DHRS4: variants seen among roughly 807,000 people sequenced by gnomAD.
The protein encoded by DHRS4 is dehydrogenase/reductase 4, also known as dehydrogenase/reductase SDR family member 4.
Under a neutral mutation model 28.4 loss-of-function variants are expected in DHRS4, and 20 were observed. The observed-to-expected ratio is 0.71, with a 90% CI of 0.50 to 1.02. DHRS4 has a LOEUF of 1.02. Among genes scored for constraint, DHRS4 ranks in the 50% least tolerant of loss-of-function variants. The pLI, the probability that DHRS4 is intolerant of heterozygous loss-of-function variation, is 0.00. For synonymous variants in DHRS4, 144 were observed against 146.4 expected (o/e 0.98, Z 0.12); for missense variants, 378 against 367.2 (o/e 1.03, Z -0.24).
Position 23,967,110 on chromosome 14 carries a change from C to T in DHRS4, c.667-101C>T, listed in dbSNP as rs1186133061. 2.8e-5 allele frequency: 41 copies of T among 1,459,484 alleles called. No individual in the cohort carries two copies. In the East Asian group the frequency reaches 3.0e-4, roughly 11 times the overall value. 90.4% of individuals were successfully genotyped at this position (1,459,484 alleles called of 1,614,324 possible). ...CGGAGTTTGCAGTGAGCCAAGATAGCGCCACTACAGTCCGGCCTGGGCAAA... is the reference window on the plus strand; with the variant it reads ...CGGAGTTTGCAGTGAGCCAAGATAGTGCCACTACAGTCCGGCCTGGGCAAA... On this transcript the variant is annotated intron_variant, in intron 6 of 7. Coordinates refer to ENST00000313250, the MANE Select transcript of DHRS4 (RefSeq NM_021004.4).
chr14:23,954,203 G>C, intron 1 of DHRS4: 1 of 333,862 alleles, frequency 3.0e-6, no homozygotes, highest in Non-Finnish European at 5.5e-6. Flanking sequence ...CAGTCAACCA[G>C]CGCCACCTAG....
At chr14:23,953,969 T>G in intron 1 of DHRS4, 53 bp downstream of exon 1, 1 of 1,548,696 alleles carries the variant, frequency 6.5e-7, no homozygotes, top group South Asian at 1.2e-5. Context: ...AAACAGGCAC[T>G]GGCCTCTCAT....
intron 5 of DHRS4, 106 bp downstream of exon 5, chr14:23,966,089 C>G: frequency 6.2e-7 from 1 of 1,601,486 alleles, no homozygotes; most frequent in Non-Finnish European, 8.5e-7. Context: ...ATCACACCAC[C>G]AAGTCCCTGC....
In DHRS4 at chr14:23,962,802, C is replaced by A. The variant is rs960174059; in HGVS notation, c.408+2799C>A. ...GGTTTTCAGTTAACTTTGCCGAGAT[C>A]CATCAGAGGAATCACTATCCATGGC... On this transcript the variant is annotated intron_variant, in intron 3 of 7. Coordinates refer to ENST00000313250, the MANE Select transcript of DHRS4 (RefSeq NM_021004.4). Among the ~76,000 whole-genome samples, 56 of 150,406 alleles carry A rather than the reference C, an allele frequency of 3.7e-4. 2 individuals are homozygous for A. The highest frequency in any genetic ancestry group is 1.4e-3 in the African/African-American group (54 of 39,730).
chr14:23,965,285 C>T (rs1302637376), intron 3 of DHRS4, among the ~76,000 whole-genome samples: 1 of 137,030 alleles, frequency 7.3e-6, no homozygotes, highest in Non-Finnish European at 1.5e-5. Flanking sequence ...CCTAGAGGGC[C>T]AAGAACATCT....
At chr14:23,960,633 A>C (rs2138451035) in intron 3 of DHRS4, among the ~76,000 whole-genome samples, 1 of 130,068 alleles carries the variant, frequency 7.7e-6, no homozygotes, top group Middle Eastern at 3.7e-3. Context: ...TATATTTCAC[A>C]CACACTCTTT....
At chr14:23,954,425 G>C (rs570697431) in intron 1 of DHRS4, among the ~76,000 whole-genome samples, 5 of 152,224 alleles carry the variant, frequency 3.3e-5, no homozygotes, top group East Asian at 1.9e-4. Flanking sequence ...TGCCCAGCCT[G>C]TTTCTCACCC....
intron 3 of DHRS4, 31 bp from the exon 4 acceptor site, chr14:23,965,731 A>C (rs761790501): frequency 1.9e-6 from 3 of 1,564,204 alleles, no homozygotes; most frequent in South Asian, 2.3e-5. Context: ...CTCTTCACTC[A>C]TGCTGTTTCC....
At chr14:23,968,715 T>G in intron 7 of DHRS4, 42 bp from the exon 8 acceptor site, 2 of 1,602,932 alleles carry the variant, frequency 1.2e-6, no homozygotes, top group Non-Finnish European at 1.7e-6. Flanking sequence ...GAGGCAGAAC[T>G]GTTTGATTTT....
chr14:23,958,880 C>G (rs2033283554), intron 2 of DHRS4, among the ~76,000 whole-genome samples: 2 of 152,184 alleles, frequency 1.3e-5, no homozygotes, highest in East Asian at 3.9e-4. Flanking sequence ...TCTTACCTAG[C>G]CCCAGTGTGC....
chr14:23,956,449 TC>T (rs2033158669), intron 2 of DHRS4, among the ~76,000 whole-genome samples: 1 of 152,112 alleles, frequency 6.6e-6, no homozygotes, highest in Non-Finnish European at 1.5e-5. Flanking sequence ...GTGATGAGGT[TC>T]CAGATAACTC....
intron 3 of DHRS4, among the ~76,000 whole-genome samples, chr14:23,960,673 CTTTG>C (rs1177421621): frequency 7.2e-5 from 11 of 151,800 alleles, no homozygotes; most frequent in Admixed American, 5.2e-4. Flanking sequence ...AAATATTTGT[CTTTG>C]TTTATTAAGG....
Position 23,953,810 on chromosome 14 carries a change from G to C in DHRS4, c.22G>C (p.Gly8Arg). Reference protein sequence around the residue: MHKAGLLGLCARAWNSVR... With the variant: MHKAGLLRLCARAWNSVR... ...ATCCATGCACAAGGCGGGGCTGCTA[G>C]GCCTCTGTGCCCGGGCTTGGAATTC... The change falls in exon 1 of 8, where the codon GGC (glycine) becomes CGC (arginine). Residue 8 changes from glycine (G) to arginine (R), a missense_variant. By Grantham distance (125) the Gly-to-Arg change is moderately radical. Transcript: ENST00000313250. 6.2e-7 allele frequency: 1 copy of C among 1,614,168 alleles called. No individual in the cohort carries two copies. The highest frequency in any genetic ancestry group is 2.2e-5 in the East Asian group (1 of 44,878).
chr14:23,966,198 A>G (rs2033611051), intron 5 of DHRS4, 85 bp from the exon 6 acceptor site: 5 of 1,580,410 alleles, frequency 3.2e-6, no homozygotes, highest in Middle Eastern at 1.7e-4. Context: ...GGAGATCCCT[A>G]TTGAGCACTG....
rs4457918 is a variant in DHRS4 at position 23,953,786 on chromosome 14, T to G, written c.-3T>G. ...GTGGAACCCATACTTGCTGGTCTGA[T>G]CCATGCACAAGGCGGGGCTGCTAGG... is the stretch of plus-strand genomic sequence containing the variant. On this transcript the variant is annotated 5_prime_UTR_variant, in exon 1 of 8. Transcript: ENST00000313250. The G allele has an allele frequency of 0.073, 118,308 of 1,613,376 alleles. 14,289 individuals carry two copies. Among genetic ancestry groups the G allele is most frequent in the African/African-American group, 0.56 (41,877 of 74,870 alleles).
At chr14:23,955,701 C>G (rs1239977966) in intron 2 of DHRS4, among the ~76,000 whole-genome samples, 3 of 152,062 alleles carry the variant, frequency 2.0e-5, no homozygotes, top group Admixed American at 6.5e-5. Flanking sequence ...GTCTGCAGAC[C>G]CTGGCTCAGA....
At position 23,953,862 on chromosome 14, in the gene DHRS4, C is replaced by T. The variant is rs759775088; in HGVS notation, c.74C>T (p.Thr25Ile). The T allele has an allele frequency of 8.7e-6, 14 of 1,612,342 alleles. No homozygotes were observed. The East Asian group carries it at 2.2e-4, about 26-fold the overall frequency. ...NSVRMASSGMTRRDPLANKVA... is the reference protein window; with the variant it reads ...NSVRMASSGMIRRDPLANKVA... Reference sequence around the variant, plus strand: ...GTGCGGATGGCCAGCTCCGGGATGACCCGCCGGGACCCGCTCGCAAATAAG... The same window carrying T: ...GTGCGGATGGCCAGCTCCGGGATGATCCGCCGGGACCCGCTCGCAAATAAG... Residue 25 changes from threonine (T) to isoleucine (I), a missense_variant, in exon 1 of 8, where the codon ACC (threonine) becomes ATC (isoleucine). Thr to Ile is a moderately conservative substitution (Grantham distance 89). Transcript: ENST00000313250.
intron 6 of DHRS4, 61 bp from the exon 7 acceptor site, chr14:23,967,150 T>A: frequency 6.4e-7 from 1 of 1,558,200 alleles, no homozygotes; most frequent in Non-Finnish European, 8.6e-7. Flanking sequence ...CAAGACTCCG[T>A]CTCTAAAAAG....
chr14:23,953,797 G>A lies in DHRS4; in HGVS notation c.9G>A (p.Lys3=), dbSNP rs775278195. The change falls in exon 1 of 8, where the codon AAG becomes AAA. Residue 3 remains lysine, a synonymous_variant. Transcript: ENST00000313250. The stretch of plus-strand genomic sequence containing the variant: ...ACTTGCTGGTCTGATCCATGCACAA[G>A]GCGGGGCTGCTAGGCCTCTGTGCCC... MH[K]AGLLGLCARA... 6 of 1,614,088 alleles carry A rather than the reference G, an allele frequency of 3.7e-6. No homozygotes were observed. The highest frequency in any genetic ancestry group is 5.1e-6 in the Non-Finnish European group (6 of 1,179,976).
Sources: gnomAD v4.1 joint callset for allele counts (sites outside exome capture counted in the v4.1 genomes callset) on GRCh38, gnomAD v4.1.1 for gene constraint, MANE v1.5 for transcripts, NCBI Gene and HGNC (gene_info 2026-07-23, HGNC 2026-07-21) for gene names.